Variants in ARID3A observed in about 807,000 individuals in gnomAD.
ARID3A encodes AT-rich interactive domain-containing protein 3A.
Under a neutral mutation model 52.7 loss-of-function variants are expected in ARID3A, and 11 were observed. The ratio of observed to expected loss-of-function variants is 0.21; its 90% CI spans 0.13 to 0.35. ARID3A has a LOEUF of 0.35. Ranked by LOEUF, ARID3A falls within the 10% of genes least tolerant of loss-of-function variation. The probability of loss-of-function intolerance (pLI) is 1.00; values close to 1 mark genes in which losing one functional copy is unlikely to be tolerated. For missense variants in ARID3A, 721 were observed against 838.5 expected, an observed-to-expected ratio of 0.86 and a Z score of 1.73; for synonymous variants, 404 against 359.4, an observed-to-expected ratio of 1.12 and a Z score of -1.40.
chr19:942,083 C>T lies in ARID3A; in HGVS notation c.693+9341C>T, dbSNP rs945863521. Among the ~76,000 whole-genome samples, 12 of 152,294 alleles carry T rather than the reference C, an allele frequency of 7.9e-5. No individual in the cohort carries two copies. Among genetic ancestry groups the T allele is most frequent in the African/African-American group, 2.4e-4 (10 of 41,568 alleles). On this transcript the variant is annotated intron_variant, in intron 3 of 8. Transcript: ENST00000263620. The surrounding 1 kb of genome is among the most constrained non-coding windows in gnomAD (Gnocchi z 8.1). The stretch of plus-strand genomic sequence containing the variant: ...GCCGCGGGGCACAGATCAGCGCCTC[C>T]CCTGCCCGCCATGGGCTCTGGAGCC...
chr19:929,599 G>C lies in ARID3A; in HGVS notation c.71G>C (p.Arg24Pro). The C allele has an allele frequency of 6.6e-7, 1 of 1,524,274 alleles. No individual in the cohort carries two copies. The highest frequency in any genetic ancestry group is 1.2e-5 in the South Asian group (1 of 83,536). 94.4% of individuals were successfully genotyped at this position (1,524,274 alleles called of 1,614,324 possible). The change falls in exon 2 of 9, where the codon CGG becomes CCG. Residue 24 changes from arginine (R) to proline (P), a missense_variant. Physicochemically the swap from Arg to Pro is moderately radical, Grantham distance 103. Around this residue, in one of 5 missense-constraint regions of ARID3A, gnomAD observed 349 missense variants for 297.3 expected, o/e 1.17. Coordinates refer to ENST00000263620, the MANE Select transcript of ARID3A (RefSeq NM_005224.3). The surrounding 1 kb of genome is among the most constrained non-coding windows in gnomAD (Gnocchi z 6.2). The part of the protein sequence containing the change: ...QQRARQELEA[R>P]QQLPPDPPAA... ...CGGGCGCGCCAGGAGCTGGAGGCCC[G>C]GCAGCAGCTGCCCCCCGATCCCCCT...
At chr19:939,485 G>A (rs943803619) in intron 3 of ARID3A, among the ~76,000 whole-genome samples, 4 of 152,222 alleles carry the variant, frequency 2.6e-5, no homozygotes, top group Admixed American at 6.5e-5. Context: ...AAAATGGAAC[G>A]TTTACAGGGA....
chr19:928,792 G>C (rs546717190), intron 1 of ARID3A: 1 of 152,220 alleles, frequency 6.6e-6, no homozygotes, highest in Non-Finnish European at 1.5e-5. Flanking sequence ...TTGTGTGATG[G>C]GGGGAGGGTT....
At chr19:948,277 T>G (rs933367041) in intron 3 of ARID3A, among the ~76,000 whole-genome samples, 1 of 151,448 alleles carries the variant, frequency 6.6e-6, no homozygotes, top group African/African-American at 2.4e-5. Flanking sequence ...CAATAATGGC[T>G]GCAGAGTGCC....
rs776661009 is a variant in ARID3A at position 973,941 on chromosome 19, G to A, written c.*1876G>A. 9 of 230,674 alleles carry A rather than the reference G, an allele frequency of 3.9e-5. No homozygotes were observed. The highest frequency in any genetic ancestry group is 6.9e-5 in the Non-Finnish European group (8 of 116,536). The allele number at this position is 230,674 out of a possible 1,614,324, so 14.3% of individuals were successfully genotyped here. On this transcript the variant is annotated 3_prime_UTR_variant, in exon 9 of 9. Transcript: ENST00000263620. ...CCGCGTGGTGTTGGGCGGGGCTGTC[G>A]TGTCCTACACGGGAGCTCTGGGCTT...
In ARID3A at chr19:947,441, C is replaced by T. The variant is rs1407203985; in HGVS notation, c.694-12651C>T. 6.6e-6 allele frequency among the ~76,000 whole-genome samples: 1 copy of T among 152,194 alleles called. No individual in the cohort carries two copies. Among genetic ancestry groups the T allele is most frequent in the Non-Finnish European group, 1.5e-5 (1 of 68,036 alleles). On this transcript the variant is annotated intron_variant, in intron 3 of 8. Coordinates refer to ENST00000263620, the MANE Select transcript of ARID3A (RefSeq NM_005224.3). This position sits in a 1 kb window ranked among gnomAD's most constrained non-coding sequence, Gnocchi z 6.3. ...AGGCCTGTCGCTGCCGTCCTGGACT[C>T]GTGGGCCTCAGTTTCCCCAACTGTG... is the stretch of plus-strand genomic sequence containing the variant.
rs1428153745 is a variant in ARID3A, at chr19:975,775, AAAGT to A, written c.*3711_*3714del. On this transcript the variant is annotated 3_prime_UTR_variant, in exon 9 of 9. Coordinates refer to ENST00000263620, the MANE Select transcript of ARID3A (RefSeq NM_005224.3). ...AAGACAAAAAGACCAAAAAAAAAAA[AAAGT>A]GTGATTTTGAAATTTAAAAGAACAC... 5.0e-6 allele frequency: 1 copy of A among 201,128 alleles called. No homozygotes were observed. Among genetic ancestry groups the A allele is most frequent in the Non-Finnish European group, 1.0e-5 (1 of 97,884 alleles). 12.5% of individuals were successfully genotyped at this position (201,128 alleles called of 1,614,324 possible).
At chr19:949,739 C>T (rs182539783) in intron 3 of ARID3A, among the ~76,000 whole-genome samples, 20 of 143,662 alleles carry the variant, frequency 1.4e-4, no homozygotes, top group East Asian at 8.3e-4. Flanking sequence ...TGCAGTGGTG[C>T]GATCTGAGCT....
chr19:975,543 G>T lies in ARID3A; in HGVS notation c.*3478G>T. ...TGACGTGTGAAATTTCAGTTTCTCT[G>T]GAGTTTGTCAGACGGCGTGGGAACC... On this transcript the variant is annotated 3_prime_UTR_variant, in exon 9 of 9. Coordinates refer to ENST00000263620, the MANE Select transcript of ARID3A (RefSeq NM_005224.3). The T allele has an allele frequency of 4.6e-6, 1 of 218,056 alleles. No individual in the cohort carries two copies. Among genetic ancestry groups the T allele is most frequent in the East Asian group, 6.7e-5 (1 of 15,036 alleles). 13.5% of individuals were successfully genotyped at this position (218,056 alleles called of 1,614,324 possible). A position where few individuals can be genotyped will look rare whatever the true frequency, so the allele number is the denominator to read the frequency against.
rs2038023535 is a variant in ARID3A at position 960,757 on chromosome 19, C to T, written c.766+593C>T. Among the ~76,000 whole-genome samples, 1 of 152,174 alleles carries T rather than the reference C, an allele frequency of 6.6e-6. No homozygotes were observed. Among genetic ancestry groups the T allele is most frequent in the Admixed American group, 6.5e-5 (1 of 15,276 alleles). On this transcript the variant is annotated intron_variant, in intron 4 of 8. Transcript: ENST00000263620. This position sits in a 1 kb window ranked among gnomAD's most constrained non-coding sequence, Gnocchi z 4.3. ...GTGGCCAGCAGGTACCCCAGATGTG[C>T]TGAGTGCAGGGCCGCTGTTTACTGT...
rs1946345351 is a variant in ARID3A at position 960,076 on chromosome 19, C to T, written c.694-16C>T. 6.2e-7 allele frequency: 1 copy of T among 1,610,292 alleles called. No individual in the cohort carries two copies. The highest frequency in any genetic ancestry group is 8.5e-7 in the Non-Finnish European group (1 of 1,177,656). On this transcript the variant is annotated splice_polypyrimidine_tract_variant and intron_variant, in intron 3 of 8. Coordinates refer to ENST00000263620, the MANE Select transcript of ARID3A (RefSeq NM_005224.3). This position sits in a 1 kb window ranked among gnomAD's most constrained non-coding sequence, Gnocchi z 4.3. ...GCTCTGGCACCAACTAACCCATCCC[C>T]TCTCCACCCTCACAGCTCTACGAAC...
intron 3 of ARID3A, among the ~76,000 whole-genome samples, chr19:939,018 C>G (rs575099006): frequency 6.7e-6 from 1 of 150,370 alleles, no homozygotes; most frequent in East Asian, 1.9e-4. Context: ...GCAACCTCTG[C>G]TTACTGGGTT....
chr19:941,252 G>A lies in ARID3A; in HGVS notation c.693+8510G>A, dbSNP rs2145385006. ...GAGCCGCCGTGGCGTGCGTGCGAGT[G>A]TGCACGCTGGGGCTGTGGCCGGGCG... is the stretch of plus-strand genomic sequence containing the variant. On this transcript the variant is annotated intron_variant, in intron 3 of 8. Transcript: ENST00000263620. The surrounding 1 kb of genome is among the most constrained non-coding windows in gnomAD (Gnocchi z 6.9). Among the ~76,000 whole-genome samples, 1 of 152,400 alleles carries A rather than the reference G, an allele frequency of 6.6e-6. No individual in the cohort carries two copies. The highest frequency in any genetic ancestry group is 1.9e-4 in the East Asian group (1 of 5,188).
chr19:953,925 T>C (rs1277234827), intron 3 of ARID3A, among the ~76,000 whole-genome samples: 1 of 152,114 alleles, frequency 6.6e-6, no homozygotes, highest in Non-Finnish European at 1.5e-5. Flanking sequence ...ATACAAAAAT[T>C]AGCCGAGCGT....
intron 4 of ARID3A, among the ~76,000 whole-genome samples, chr19:963,546 G>A (rs748909262): frequency 3.0e-4 from 46 of 152,314 alleles, no homozygotes; most frequent in African/African-American, 4.8e-4. Context: ...CTGGAAGGGC[G>A]GGGAGGGGCC....
chr19:961,171 T>C (rs936763093), intron 4 of ARID3A, among the ~76,000 whole-genome samples: 1 of 151,580 alleles, frequency 6.6e-6, no homozygotes, highest in Non-Finnish European at 1.5e-5. Context: ...TCGGAAGGGG[T>C]GGGGCAGAGG....
intron 3 of ARID3A, 94 bp downstream of exon 3, chr19:932,836 C>G: frequency 6.7e-7 from 1 of 1,503,378 alleles, no homozygotes; most frequent in Non-Finnish European, 8.8e-7. Context: ...GTGTGCTGAG[C>G]CGGGCGTCGA....
chr19:970,525 T>TG (rs762782549), intron 8 of ARID3A, among the ~76,000 whole-genome samples: 3 of 137,390 alleles, frequency 2.2e-5, no homozygotes, highest in Non-Finnish European at 3.1e-5. Context: ...TTTTTTTTTT[T>TG]GAGACAGAGT....
At chr19:943,834 G>A (rs1274302314) in intron 3 of ARID3A, among the ~76,000 whole-genome samples, 1 of 152,200 alleles carries the variant, frequency 6.6e-6, no homozygotes, top group Non-Finnish European at 1.5e-5. Context: ...GCCTCCCTGG[G>A]CACACATGTG....
Sources: allele counts gnomAD v4.1 joint callset (sites outside exome capture counted in the v4.1 genomes callset), GRCh38; gene constraint gnomAD v4.1.1; regional missense constraint gnomAD v4.1.1; non-coding constraint Gnocchi (gnomAD v3.1); transcripts MANE v1.5; gene names NCBI Gene and HGNC (gene_info 2026-07-23, HGNC 2026-07-21).